Variants in ARMH4 observed in about 807,000 individuals in gnomAD.
ARMH4 encodes armadillo like helical domain containing 4, also known as armadillo-like helical domain-containing protein 4.
ARMH4 carries 49 observed loss-of-function variants against 61.9 expected under a neutral mutation model. The ratio of observed to expected loss-of-function variants is 0.79; its 90% confidence interval spans 0.63 to 1.00. ARMH4 has a LOEUF of 1.00. ARMH4 is among the 50% of genes least tolerant of loss of function. The pLI is 0.00. For synonymous variants in ARMH4, 368 were observed against 341.5 expected, an observed-to-expected ratio of 1.08 and a Z score of -0.85; for missense variants, 934 against 930.0, an observed-to-expected ratio of 1.00 and a Z score of -0.06.
chr14:58,150,660 G>C (rs1358826681), intron 1 of ARMH4, among the ~76,000 whole-genome samples: 1 of 152,068 alleles, frequency 6.6e-6, no homozygotes, highest in Non-Finnish European at 1.5e-5. Context: ...CCTTAGACTT[G>C]GTGAGCCTTG....
intron 5 of ARMH4, among the ~76,000 whole-genome samples, chr14:58,091,874 T>C (rs1051662924): frequency 1.3e-5 from 2 of 152,166 alleles, no homozygotes; most frequent in African/African-American, 2.4e-5. Context: ...CCTGATGCTC[T>C]CTATCCCAGC....
intron 4 of ARMH4, among the ~76,000 whole-genome samples, chr14:58,103,707 G>A (rs935309011): frequency 6.6e-6 from 1 of 151,922 alleles, no homozygotes; most frequent in African/African-American, 2.4e-5. Flanking sequence ...TCCCACCTCA[G>A]CCTCCCAAAG....
intron 5 of ARMH4, among the ~76,000 whole-genome samples, chr14:58,068,299 T>C (rs1397420726): frequency 2.6e-5 from 4 of 152,006 alleles, no homozygotes; most frequent in African/African-American, 9.7e-5. Flanking sequence ...GAAGCATTAA[T>C]ATTCCCACCT....
chr14:58,079,834 A>T (rs1594744576), intron 5 of ARMH4, among the ~76,000 whole-genome samples: 1 of 152,096 alleles, frequency 6.6e-6, no homozygotes, highest in South Asian at 2.1e-4. Context: ...TCCTTACCTG[A>T]GGGGAGCTGG....
chr14:58,123,768 C>G (rs555684773), intron 4 of ARMH4, among the ~76,000 whole-genome samples: 1 of 152,202 alleles, frequency 6.6e-6, no homozygotes, highest in Non-Finnish European at 1.5e-5. Flanking sequence ...TAGCCCCCAT[C>G]TATTTGGCCA....
intron 5 of ARMH4, among the ~76,000 whole-genome samples, chr14:58,090,245 T>C (rs1885512613): frequency 6.6e-6 from 1 of 152,186 alleles, no homozygotes; most frequent in African/African-American, 2.4e-5. Context: ...AAAAATGGTC[T>C]CTTCTTGAGA....
In ARMH4 at chr14:58,051,169, C is replaced by T. The variant is rs561171476; in HGVS notation, c.2090-39019G>A. ...TTATGTTCTTGCCAATGATCATCAA[C>T]GATACAAAATCTGTGGCAACTTAGC... is the stretch of plus-strand genomic sequence containing the variant. On this transcript the variant is annotated intron_variant, in intron 5 of 7. Transcript: ENST00000267485. Among the ~76,000 whole-genome samples the T allele has an allele frequency of 2.6e-5, 4 of 151,402 alleles. 1 individual carries two copies. Among genetic ancestry groups the T allele is most frequent in the Middle Eastern group, 6.3e-3 (2 of 316 alleles).
chr14:58,033,022 G>C lies in ARMH4; in HGVS notation c.2090-20872C>G, dbSNP rs12888960. Among the ~76,000 whole-genome samples, 13 of 93,084 alleles carry C rather than the reference G, an allele frequency of 1.4e-4. No homozygotes were observed. The East Asian group carries it at 2.3e-3, about 17-fold the overall frequency. The allele number at this position is 93,084 out of a possible 152,430, so 61.1% of individuals were successfully genotyped here. On this transcript the variant is annotated intron_variant, in intron 5 of 7. Transcript: ENST00000267485. ...GCTTGCTTAGGTAAACAAAGCAGCC[G>C]GGAACCTCGAACTGGGTGGAGCCCA...
At chr14:58,065,590 A>C (rs963924979) in intron 5 of ARMH4, among the ~76,000 whole-genome samples, 10 of 152,250 alleles carry the variant, frequency 6.6e-5, no homozygotes, top group African/African-American at 2.4e-4. Flanking sequence ...AACCAGCTCC[A>C]TGAAGAGATG....
rs139868391 is a variant in ARMH4, at chr14:58,086,478, G to A, written c.2089+10246C>T. 6.0e-3 allele frequency among the ~76,000 whole-genome samples: 912 copies of A among 152,254 alleles called. 7 individuals are homozygous for A. Among genetic ancestry groups the A allele is most frequent in the Non-Finnish European group, 8.2e-3 (555 of 68,016 alleles). ...CATATGATAGCTAAGCTTAGTGTCA[G>A]TTATAAGCATGACAGAAAACCCTCA... is the stretch of plus-strand genomic sequence containing the variant. On this transcript the variant is annotated intron_variant, in intron 5 of 7. Transcript: ENST00000267485.
At chr14:58,114,625 CT>C (rs2141292525) in intron 4 of ARMH4, among the ~76,000 whole-genome samples, 1 of 152,262 alleles carries the variant, frequency 6.6e-6, no homozygotes, top group South Asian at 2.1e-4. Context: ...GTCCAACGAG[CT>C]GAGTGAGAGT....
At chr14:58,101,973 G>C (rs1402239403) in intron 4 of ARMH4, among the ~76,000 whole-genome samples, 1 of 152,206 alleles carries the variant, frequency 6.6e-6, no homozygotes, top group Non-Finnish European at 1.5e-5. Context: ...ATGCTTTCAA[G>C]TTGTGATAAA....
chr14:58,034,625 C>A (rs1883405738), intron 5 of ARMH4, among the ~76,000 whole-genome samples: 1 of 51,768 alleles, frequency 1.9e-5, no homozygotes, highest in African/African-American at 7.7e-5. Context: ...GATAAAGAGT[C>A]AAGACCCATC....
intron 1 of ARMH4, 26 bp from the exon 2 acceptor site, chr14:58,139,440 C>G: frequency 7.8e-7 from 1 of 1,282,574 alleles, no homozygotes; most frequent in Non-Finnish European, 1.1e-6. Flanking sequence ...GCATATCAAA[C>G]TGTCATATAA....
chr14:58,032,176 C>CT (rs1883264639), intron 5 of ARMH4, among the ~76,000 whole-genome samples: 1 of 152,136 alleles, frequency 6.6e-6, no homozygotes, highest in African/African-American at 2.4e-5. Flanking sequence ...ATCTGGAGAA[C>CT]CCAGATGAGA....
intron 5 of ARMH4, among the ~76,000 whole-genome samples, chr14:58,022,680 A>G (rs35284211): frequency 0.013 from 1,926 of 152,214 alleles, 32 homozygotes; most frequent in East Asian, 0.081. Flanking sequence ...CTTATACCCA[A>G]TCCTGTCACA....
intron 5 of ARMH4, among the ~76,000 whole-genome samples, chr14:58,059,999 A>G (rs1374765205): frequency 6.6e-6 from 1 of 152,240 alleles, no homozygotes; most frequent in Admixed American, 6.5e-5. Context: ...CGTAGAAAAT[A>G]AAGTGAGATT....
chr14:58,093,214 C>A (rs1885632461), intron 5 of ARMH4, among the ~76,000 whole-genome samples: 1 of 152,120 alleles, frequency 6.6e-6, no homozygotes, highest in Non-Finnish European at 1.5e-5. Flanking sequence ...GTCAATTAAT[C>A]CTCTTTCCTT....
Position 58,012,105 on chromosome 14 carries a change from A to T in ARMH4, c.2121+14T>A. 1 of 1,477,572 alleles carries T rather than the reference A, an allele frequency of 6.8e-7. No homozygotes were observed. The highest frequency in any genetic ancestry group is 9.3e-7 in the Non-Finnish European group (1 of 1,078,878). The allele number at this position is 1,477,572 out of a possible 1,614,324, so 91.5% of individuals were successfully genotyped here. A position where few individuals can be genotyped will look rare whatever the true frequency, so the allele number is the denominator to read the frequency against. The stretch of plus-strand genomic sequence containing the variant: ...CCCTAAAAATAAACCAATGGAAGAA[A>T]ATACTTTTCTTACCTTGTCTTTTAA... On this transcript the variant is annotated intron_variant, in intron 6 of 7. Coordinates refer to ENST00000267485, the MANE Select transcript of ARMH4 (RefSeq NM_001001872.4).
Sources: gnomAD v4.1 joint callset for allele counts (sites outside exome capture counted in the v4.1 genomes callset) on GRCh38, gnomAD v4.1.1 for gene constraint, MANE v1.5 for transcripts, NCBI Gene and HGNC (gene_info 2026-07-23, HGNC 2026-07-21) for gene names.